TECPR1: variants seen among roughly 807,000 people sequenced by gnomAD.
TECPR1 encodes the protein tectonin beta-propeller repeat containing 1.
In TECPR1, 122 loss-of-function variants were observed where a neutral mutation model predicts 162.4. The observed-to-expected ratio is 0.75, with a 90% CI of 0.65 to 0.87. The LOEUF is 0.87. TECPR1 is among the 40% of genes least tolerant of loss of function. The pLI, the probability that TECPR1 is intolerant of heterozygous loss-of-function variation, is 0.00. For missense variants in TECPR1, 1,432 were observed against 1,618.2 expected (o/e 0.88, Z 1.97); for synonymous variants, 642 against 670.6 (o/e 0.96, Z 0.66).
chr7:98,230,951 G>C lies in TECPR1; in HGVS notation c.2282+10C>G. ...GGCCCCAGACCCCACCCAGAGTGCG[G>C]CTCACTCACATCTGGTCGCAGGGCA... On this transcript the variant is annotated intron_variant, in intron 15 of 25. Transcript: ENST00000447648. 6.2e-7 allele frequency: 1 copy of C among 1,608,224 alleles called. No individual in the cohort carries two copies. The highest frequency in any genetic ancestry group is 8.5e-7 in the Non-Finnish European group (1 of 1,177,596).
intron 11 of TECPR1, chr7:98,233,201 G>C (rs1798496036): frequency 1.3e-6 from 1 of 787,774 alleles, no homozygotes; most frequent in African/African-American, 1.8e-5. Context: ...GACAGGGGAA[G>C]GGGCACTGGC....
chr7:98,219,605 CA>C (rs1426405014), intron 23 of TECPR1, among the ~76,000 whole-genome samples: 1 of 152,188 alleles, frequency 6.6e-6, no homozygotes. Context: ...AGACATTTCT[CA>C]AAAGAAGATA....
rs377352189 is a variant in TECPR1, at chr7:98,238,567, G to A, written c.977C>T (p.Thr326Ile). The change falls in exon 9 of 26, where the codon ACC becomes ATC. Residue 326 changes from threonine to isoleucine, a missense_variant. Thr to Ile is a moderately conservative substitution (Grantham distance 89). Coordinates refer to ENST00000447648, the MANE Select transcript of TECPR1 (RefSeq NM_015395.3). ...CTCACCAACCATCTCAATCCAACTG[G>A]TGCCGCAGGGATTGTGAGAGTTGAC... The part of the protein sequence containing the change: ...RGVNSHNPCG[T>I]SWIEMVGEMT... 203 of 1,574,586 alleles carry A rather than the reference G, an allele frequency of 1.3e-4. No homozygotes were observed. Among genetic ancestry groups the A allele is most frequent in the Non-Finnish European group, 1.6e-4 (189 of 1,160,254 alleles).
rs757119005 is a variant in TECPR1 at position 98,245,066 on chromosome 7, C to T, written c.227G>A (p.Arg76His). The change falls in exon 4 of 26, where the codon CGC (arginine) becomes CAC (histidine). Residue 76 changes from arginine (R) to histidine (H), a missense_variant and splice_region_variant. Coordinates refer to ENST00000447648, the MANE Select transcript of TECPR1 (RefSeq NM_015395.3). The stretch of plus-strand genomic sequence containing the variant: ...ACAGAAGCCGCCCATGGGATTCCAG[C>T]GCTGAGGGCCGGGGACACAGAGGCG... ...RRREEAYENQ[R>H]WNPMGGFCEK... The T allele has an allele frequency of 1.5e-5, 23 of 1,576,616 alleles. No homozygotes were observed. The highest frequency in any genetic ancestry group is 2.4e-5 in the East Asian group (1 of 42,432).
intron 4 of TECPR1, 21 bp from the exon 5 acceptor site, chr7:98,244,714 C>T: frequency 6.3e-7 from 1 of 1,599,614 alleles, no homozygotes; most frequent in Non-Finnish European, 8.5e-7. Flanking sequence ...AAGGAAGGGG[C>T]TCTCAGGCTC....
rs971760399 is a variant in TECPR1 at position 98,222,597 on chromosome 7, A to T, written c.2929-76T>A. ...GGCCCCACCTCCAGGACCAGCAGAA[A>T]TGGGCCTAGCGCGTGGGCAGCATAG... On this transcript the variant is annotated intron_variant, in intron 21 of 25. Transcript: ENST00000447648. 38 of 1,513,466 alleles carry T rather than the reference A, an allele frequency of 2.5e-5. No homozygotes were observed. In the African/African-American group the frequency reaches 5.3e-4, roughly 21 times the overall value. The allele number at this position is 1,513,466 out of a possible 1,614,324, so 93.8% of individuals were successfully genotyped here. A position where few individuals can be genotyped will look rare whatever the true frequency, so the allele number is the denominator to read the frequency against.
chr7:98,242,951 C>T (rs1215588576), intron 6 of TECPR1, among the ~76,000 whole-genome samples: 5 of 139,892 alleles, frequency 3.6e-5, no homozygotes, highest in Admixed American at 7.2e-5. Flanking sequence ...CACCCACCCA[C>T]CCATCCATCC....
chr7:98,241,571 T>C lies in TECPR1; in HGVS notation c.658-327A>G, dbSNP rs1798750046. On this transcript the variant is annotated intron_variant, in intron 6 of 25. Coordinates refer to ENST00000447648, the MANE Select transcript of TECPR1 (RefSeq NM_015395.3). This position sits in a 1 kb window ranked among gnomAD's most constrained non-coding sequence, Gnocchi z 5.0. ...CATGCCCCCTTGTGGCGATGTGCTC[T>C]CAGGACACCCGGCTCCAGGGGAGGC... Among the ~76,000 whole-genome samples, 1 of 152,184 alleles carries C rather than the reference T, an allele frequency of 6.6e-6. No individual in the cohort carries two copies. Among genetic ancestry groups the C allele is most frequent in the South Asian group, 2.1e-4 (1 of 4,838 alleles).
At chr7:98,221,482 G>GT (rs71532099) in intron 23 of TECPR1, among the ~76,000 whole-genome samples, 179 bp downstream of exon 23, 27,934 of 135,238 alleles carry the variant, frequency 0.21, 2,760 homozygotes, top group East Asian at 0.33. Context: ...AAAAATTAAA[G>GT]TTTTTTTTTT....
chr7:98,231,394 C>A, intron 13 of TECPR1, 21 bp from the exon 14 acceptor site: 4 of 1,575,546 alleles, frequency 2.5e-6, no homozygotes, highest in Non-Finnish European at 3.4e-6. Context: ...AACAGGCGCC[C>A]GGCAGGGCTG....
At position 98,241,519 on chromosome 7, in the gene TECPR1, C is replaced by T. The variant is rs1182065738; in HGVS notation, c.658-275G>A. 3.3e-5 allele frequency among the ~76,000 whole-genome samples: 5 copies of T among 152,190 alleles called. No homozygotes were observed. The highest frequency in any genetic ancestry group is 1.9e-4 in the East Asian group (1 of 5,186). ...TTCCAGTCTCAGGCATGTGGGTCTC[C>T]GGCCACTCTGGCCAGCCCGTGTGTC... On this transcript the variant is annotated intron_variant, in intron 6 of 25. Coordinates refer to ENST00000447648, the MANE Select transcript of TECPR1 (RefSeq NM_015395.3). The surrounding 1 kb of genome is among the most constrained non-coding windows in gnomAD (Gnocchi z 5.0).
chr7:98,246,276 T>TG, intron 2 of TECPR1, 111 bp from the exon 3 acceptor site: 1 of 722,266 alleles, frequency 1.4e-6, no homozygotes, highest in East Asian at 2.8e-5. Flanking sequence ...TTCTCTTTTT[T>TG]TTTTTTTTTA....
At position 98,244,842 on chromosome 7, in the gene TECPR1, C is replaced by T. The variant is rs867520235; in HGVS notation, c.408+43G>A. On this transcript the variant is annotated intron_variant, in intron 4 of 25. Coordinates refer to ENST00000447648, the MANE Select transcript of TECPR1 (RefSeq NM_015395.3). ...GAAGCAGGGACAGGCGGGAGGCACC[C>T]CCTCCCCACAGGGCAGTCATGGAGG... 3 of 1,605,370 alleles carry T rather than the reference C, an allele frequency of 1.9e-6. 1 individual carries two copies. In the Middle Eastern group the frequency reaches 5.0e-4, roughly 266 times the overall value.
intron 15 of TECPR1, among the ~76,000 whole-genome samples, chr7:98,229,571 G>A (rs73710401): frequency 4.0e-4 from 61 of 152,312 alleles, no homozygotes; most frequent in African/African-American, 1.3e-3. Flanking sequence ...GAGCAGAGCC[G>A]GACATGACAT....
intron 3 of TECPR1, 94 bp from the exon 4 acceptor site, chr7:98,245,161 C>T: frequency 7.5e-7 from 1 of 1,339,786 alleles, no homozygotes. Flanking sequence ...CTGACCCTGC[C>T]CAGCCGACCC....
At position 98,233,579 on chromosome 7, in the gene TECPR1, C is replaced by T; in HGVS notation, c.1514G>A (p.Gly505Asp). The T allele has an allele frequency of 1.3e-6, 2 of 1,593,562 alleles. No individual in the cohort carries two copies. The highest frequency in any genetic ancestry group is 8.5e-7 in the Non-Finnish European group (1 of 1,171,684). ...AKKVPSHSAAGFPETTSLSSL... is the reference protein window; with the variant it reads ...AKKVPSHSAADFPETTSLSSL... ...GGAGAGGCTGGTGGTCTCGGGGAAG[C>T]CAGCGGCCGAGTGGCTGGGCACTTT... The change falls in exon 11 of 26, where the codon GGC becomes GAC. Residue 505 changes from glycine to aspartate, a missense_variant. Gly to Asp is a moderately conservative substitution (Grantham distance 94). Coordinates refer to ENST00000447648, the MANE Select transcript of TECPR1 (RefSeq NM_015395.3).
intron 10 of TECPR1, among the ~76,000 whole-genome samples, 182 bp from the exon 11 acceptor site, chr7:98,234,093 G>A (rs1017106874): frequency 6.6e-6 from 1 of 152,248 alleles, no homozygotes; most frequent in African/African-American, 2.4e-5. Context: ...CCAGGGAGCT[G>A]ACACCTGGGC....
chr7:98,241,258 C>G lies in TECPR1; in HGVS notation c.658-14G>C. ...TCTGTACCACACCTGGGAGGCAAGA[C>G]AGGGACACAGCACCTGCATCAACTC... On this transcript the variant is annotated splice_polypyrimidine_tract_variant and intron_variant, in intron 6 of 25. Transcript: ENST00000447648. The surrounding 1 kb of genome is among the most constrained non-coding windows in gnomAD (Gnocchi z 5.0). 5.6e-6 allele frequency: 9 copies of G among 1,611,970 alleles called. No individual in the cohort carries two copies. Among genetic ancestry groups the G allele is most frequent in the Non-Finnish European group, 7.6e-6 (9 of 1,179,504 alleles).
intron 22 of TECPR1, 29 bp downstream of exon 22, chr7:98,222,357 T>C: frequency 6.2e-7 from 1 of 1,602,374 alleles, no homozygotes; most frequent in Non-Finnish European, 8.5e-7. Context: ...AGGTGAACAC[T>C]GCAGGGGCTC....
Sources: allele counts gnomAD v4.1 joint callset (sites outside exome capture counted in the v4.1 genomes callset), GRCh38; gene constraint gnomAD v4.1.1; non-coding constraint Gnocchi (gnomAD v3.1); transcripts MANE v1.5; gene names NCBI Gene and HGNC (gene_info 2026-07-23, HGNC 2026-07-21).